The following CNOT10 variants were observed in gnomAD, a reference collection of about 807,000 sequenced individuals.
CNOT10 encodes the protein CCR4-NOT transcription complex, subunit 10.
Under a neutral mutation model 94.6 loss-of-function variants are expected in CNOT10, and 30 were observed. The ratio of observed to expected loss-of-function variants is 0.32; its 90% CI spans 0.24 to 0.43. The LOEUF (loss-of-function observed/expected upper bound fraction) is 0.43. Ranked by LOEUF, CNOT10 falls within the 20% of genes least tolerant of loss-of-function variation. The pLI is 1.00. For missense variants in CNOT10, 759 were observed against 877.2 expected (o/e 0.87, Z 1.70); for synonymous variants, 289 against 301.6 (o/e 0.96, Z 0.43).
At position 32,753,373 on chromosome 3, in the gene CNOT10, G is replaced by T. The variant is rs557855939; in HGVS notation, c.1596-6085G>T. 213 of 1,362,670 alleles carry T rather than the reference G, an allele frequency of 1.6e-4. 1 individual carries two copies. In the Middle Eastern group the frequency reaches 2.3e-3, roughly 15 times the overall value. The allele number at this position is 1,362,670 out of a possible 1,614,324, so 84.4% of individuals were successfully genotyped here. A position where few individuals can be genotyped will look rare whatever the true frequency, so the allele number is the denominator to read the frequency against. ...AATCGCAAGTAGTCATTACACTTAC[G>T]ATCAAGAATGTTCAAAGAATGATGT... On this transcript the variant is annotated intron_variant, in intron 13 of 18. Transcript: ENST00000328834.
At chr3:32,699,975 CTTTT>C (rs565780036) in intron 1 of CNOT10, among the ~76,000 whole-genome samples, 1 of 129,220 alleles carries the variant, frequency 7.7e-6, no homozygotes. Context: ...ATATCAGTTT[CTTTT>C]TTTTTTTTTT....
intron 13 of CNOT10, among the ~76,000 whole-genome samples, chr3:32,756,239 T>G (rs1372726058): frequency 6.6e-6 from 1 of 152,216 alleles, no homozygotes; most frequent in Non-Finnish European, 1.5e-5. Context: ...TCCTGATGGC[T>G]CTTAATCAGA....
chr3:32,705,080 G>A, intron 3 of CNOT10, 108 bp downstream of exon 3: 1 of 757,670 alleles, frequency 1.3e-6, no homozygotes, highest in Non-Finnish European at 2.0e-6. Flanking sequence ...TTTCTTGTCA[G>A]AAACATTTGT....
intron 1 of CNOT10, chr3:32,695,399 C>A: frequency 2.0e-6 from 1 of 498,602 alleles, no homozygotes; most frequent in Non-Finnish European, 3.4e-6. Context: ...TTCCTTAGGT[C>A]TTTTAACATC....
At chr3:32,744,130 C>G (rs1699594774) in intron 13 of CNOT10, among the ~76,000 whole-genome samples, 1 of 152,140 alleles carries the variant, frequency 6.6e-6, no homozygotes, top group South Asian at 2.1e-4. Flanking sequence ...ATAAAGCTCA[C>G]AATGCAGTTG....
At chr3:32,718,601 A>AG (rs1698233979) in intron 7 of CNOT10, among the ~76,000 whole-genome samples, 1 of 151,196 alleles carries the variant, frequency 6.6e-6, no homozygotes, top group South Asian at 2.1e-4. Context: ...AAAAAAAAAA[A>AG]AAAGACATAA....
chr3:32,699,596 G>T, intron 1 of CNOT10, among the ~76,000 whole-genome samples: 1 of 152,156 alleles, frequency 6.6e-6, no homozygotes, highest in Middle Eastern at 3.2e-3. Flanking sequence ...GGCAACTCCT[G>T]GAAGCCATTA....
In CNOT10 at chr3:32,697,410, T is replaced by C. The variant is rs1697125427; in HGVS notation, c.23-6458T>C. On this transcript the variant is annotated intron_variant, in intron 1 of 18. Coordinates refer to ENST00000328834, the MANE Select transcript of CNOT10 (RefSeq NM_015442.3). ...GTGCTCTTACAGTTGGTCCCAAAAG[T>C]CCCATTAAAGAATGTCATCTAATCT... is the stretch of plus-strand genomic sequence containing the variant. 2.0e-5 allele frequency among the ~76,000 whole-genome samples: 3 copies of C among 152,306 alleles called. No homozygotes were observed. In the South Asian group the frequency reaches 6.2e-4, roughly 32 times the overall value.
rs1181502602 is a variant in CNOT10, at chr3:32,727,992, T to C, written c.1215+122T>C. ...AGACATTTCTCTTTTTATTTATTTA[T>C]TTATTTATTTATTTATTTTTTGAGA... On this transcript the variant is annotated intron_variant, in intron 10 of 18. Coordinates refer to ENST00000328834, the MANE Select transcript of CNOT10 (RefSeq NM_015442.3). 3 of 473,688 alleles carry C rather than the reference T, an allele frequency of 6.3e-6. No individual in the cohort carries two copies. The Admixed American group carries it at 2.0e-4, about 31-fold the overall frequency. 29.3% of individuals were successfully genotyped at this position (473,688 alleles called of 1,614,324 possible). A position where few individuals can be genotyped will look rare whatever the true frequency, so the allele number is the denominator to read the frequency against.
At chr3:32,725,661 C>T in intron 9 of CNOT10, 62 bp downstream of exon 9, 1 of 1,459,890 alleles carries the variant, frequency 6.8e-7, no homozygotes, top group African/African-American at 1.4e-5. Context: ...ATTTAAAAAG[C>T]ATGAATGTGG....
At chr3:32,735,654 C>T (rs905104149) in intron 12 of CNOT10, among the ~76,000 whole-genome samples, 4 of 152,070 alleles carry the variant, frequency 2.6e-5, no homozygotes, top group African/African-American at 9.7e-5. Context: ...TTGCAGTGAG[C>T]CACGATCATG....
chr3:32,701,648 G>C (rs1697353983), intron 1 of CNOT10, among the ~76,000 whole-genome samples: 1 of 152,174 alleles, frequency 6.6e-6, no homozygotes, highest in Non-Finnish European at 1.5e-5. Context: ...TGCTGACCAT[G>C]TGAAGATCTG....
chr3:32,717,304 G>A (rs777164343), intron 7 of CNOT10, 67 bp downstream of exon 7: 9 of 936,900 alleles, frequency 9.6e-6, no homozygotes, highest in Non-Finnish European at 1.5e-5. Context: ...GGTATTGTCA[G>A]GTTTAAATAA....
At chr3:32,707,701 GCTAAGGCAGGAGA>G (rs1041846682) in intron 3 of CNOT10, among the ~76,000 whole-genome samples, 2 of 152,058 alleles carry the variant, frequency 1.3e-5, no homozygotes, top group African/African-American at 4.8e-5. Flanking sequence ...TACTCAGGAG[GCTAAGGCAGGAGA>G]ATCACTTGAA....
chr3:32,715,260 T>C (rs899707914), intron 5 of CNOT10, among the ~76,000 whole-genome samples: 1 of 152,160 alleles, frequency 6.6e-6, no homozygotes, highest in Non-Finnish European at 1.5e-5. Context: ...GGTTAGGGAA[T>C]GTTTCAAAGG....
chr3:32,697,782 A>G (rs1380927480), intron 1 of CNOT10, among the ~76,000 whole-genome samples: 1 of 152,210 alleles, frequency 6.6e-6, no homozygotes, highest in East Asian at 1.9e-4. Flanking sequence ...CAAGGGGCAT[A>G]TTTTAGAAGA....
At chr3:32,690,071 T>C (rs1696787503) in intron 1 of CNOT10, among the ~76,000 whole-genome samples, 1 of 152,174 alleles carries the variant, frequency 6.6e-6, no homozygotes, top group Non-Finnish European at 1.5e-5. Context: ...TTACAGGCCA[T>C]GGAGGGAGTT....
chr3:32,716,702 C>A (rs185479901), intron 6 of CNOT10, among the ~76,000 whole-genome samples: 76 of 152,284 alleles, frequency 5.0e-4, no homozygotes, highest in Non-Finnish European at 7.6e-4. Context: ...AGCTGCAGTG[C>A]AATGGTGCGA....
intron 13 of CNOT10, among the ~76,000 whole-genome samples, chr3:32,747,548 T>C (rs908219779): frequency 3.3e-5 from 5 of 150,720 alleles, no homozygotes; most frequent in African/African-American, 7.3e-5. Flanking sequence ...ATTTCTTCCT[T>C]TTTTTTTTGT....
Sources: gnomAD v4.1 joint callset for allele counts (sites outside exome capture counted in the v4.1 genomes callset) on GRCh38, gnomAD v4.1.1 for gene constraint, MANE v1.5 for transcripts, NCBI Gene and HGNC (gene_info 2026-07-23, HGNC 2026-07-21) for gene names.